Variants in LMCD1 observed in about 807,000 individuals in gnomAD.
The protein encoded by LMCD1 is LIM and cysteine rich domains 1, also known as LIM and cysteine-rich domains protein 1.
In LMCD1, 32 loss-of-function variants were observed where a neutral mutation model predicts 42.7. That is an observed-to-expected ratio of 0.75 (90% CI 0.57 to 1.01). The LOEUF (loss-of-function observed/expected upper bound fraction) is 1.01. LMCD1 is among the 50% of genes least tolerant of loss of function. The pLI, the probability that LMCD1 is intolerant of heterozygous loss-of-function variation, is 0.00. For missense variants in LMCD1, 458 were observed against 483.1 expected (o/e 0.95, Z 0.49); for synonymous variants, 178 against 184.9 (o/e 0.96, Z 0.30).
intron 1 of LMCD1, 98 bp from the exon 2 acceptor site, chr3:8,532,639 A>G: frequency 1.0e-6 from 1 of 977,926 alleles, no homozygotes; most frequent in Non-Finnish European, 1.6e-6. Flanking sequence ...TGAACCCCAC[A>G]CAGTCCCTTT....
At chr3:8,525,907 A>C (rs1321780328) in intron 1 of LMCD1, among the ~76,000 whole-genome samples, 2 of 152,222 alleles carry the variant, frequency 1.3e-5, no homozygotes, top group African/African-American at 4.8e-5. Flanking sequence ...TGGAAGCATT[A>C]AAAGATCCCC....
rs896325547 is a variant in LMCD1 at position 8,570,353 on chromosome 3, C to G, written c.*2755C>G. ...GGCTGGACAGGGAGATCATGAGATA[C>G]GTCATCTCTTCTCTGTTGAAACCCC... On this transcript the variant is annotated 3_prime_UTR_variant, in exon 6 of 6. Coordinates refer to ENST00000157600, the MANE Select transcript of LMCD1 (RefSeq NM_014583.4). 2.6e-5 allele frequency: 4 copies of G among 152,326 alleles called. No homozygotes were observed. Among genetic ancestry groups the G allele is most frequent in the African/African-American group, 9.7e-5 (4 of 41,406 alleles). The allele number at this position is 152,326 out of a possible 1,614,324, so 9.4% of individuals were successfully genotyped here.
intron 1 of LMCD1, among the ~76,000 whole-genome samples, chr3:8,525,912 A>T (rs1694291123): frequency 6.6e-6 from 1 of 152,216 alleles, no homozygotes. Flanking sequence ...GCATTAAAAG[A>T]TCCCCAGGAG....
intron 1 of LMCD1, among the ~76,000 whole-genome samples, chr3:8,525,161 G>T (rs1694276947): frequency 6.6e-6 from 1 of 152,132 alleles, no homozygotes; most frequent in African/African-American, 2.4e-5. Flanking sequence ...CTGCCTAATT[G>T]AAACTTTGTA....
In LMCD1 at chr3:8,548,881, A is replaced by G; in HGVS notation, c.701A>G (p.Asp234Gly). The G allele has an allele frequency of 6.4e-7, 1 of 1,550,520 alleles. No individual in the cohort carries two copies. Among genetic ancestry groups the G allele is most frequent in the Non-Finnish European group, 8.7e-7 (1 of 1,144,220 alleles). Residue 234 changes from aspartate to glycine, a missense_variant, in exon 4 of 6, where the codon GAC becomes GGC. By Grantham distance (94) the Asp-to-Gly change is moderately conservative (BLOSUM62 -1). Coordinates refer to ENST00000157600, the MANE Select transcript of LMCD1 (RefSeq NM_014583.4). Reference protein sequence around the residue: ...TAATTNGSLSDPSKEVEYVCE... With the variant: ...TAATTNGSLSGPSKEVEYVCE... The stretch of plus-strand genomic sequence containing the variant: ...GCTACCACCAACGGCAGTCTCAGTG[A>G]CCCGTCCAAAGAAGTGGAATACGTA...
At chr3:8,506,723 T>G (rs1038800844) in intron 1 of LMCD1, among the ~76,000 whole-genome samples, 2 of 152,208 alleles carry the variant, frequency 1.3e-5, no homozygotes, top group African/African-American at 2.4e-5. Context: ...ACCATTTAAA[T>G]CTTTATTTTA....
At chr3:8,534,425 T>C (rs1371040863) in intron 2 of LMCD1, among the ~76,000 whole-genome samples, 4 of 152,194 alleles carry the variant, frequency 2.6e-5, no homozygotes, top group Non-Finnish European at 5.9e-5. Flanking sequence ...GTACAAATGA[T>C]TTGAACATCA....
chr3:8,533,515 T>C (rs1694452050), intron 2 of LMCD1, among the ~76,000 whole-genome samples: 1 of 152,104 alleles, frequency 6.6e-6, no homozygotes, highest in Non-Finnish European at 1.5e-5. Context: ...TTAAGTTCTG[T>C]GGAGCACATA....
chr3:8,535,368 C>T (rs1389749125), intron 2 of LMCD1, among the ~76,000 whole-genome samples: 1 of 151,928 alleles, frequency 6.6e-6, no homozygotes, highest in Non-Finnish European at 1.5e-5. Context: ...CCTGCAGCAC[C>T]CTGAGGGTCA....
chr3:8,515,957 T>G (rs778322842), intron 1 of LMCD1, among the ~76,000 whole-genome samples: 14 of 152,120 alleles, frequency 9.2e-5, no homozygotes, highest in Admixed American at 2.6e-4. Context: ...AGGAGGAATC[T>G]TAAGATGAAA....
chr3:8,540,672 C>T (rs1057253735), intron 3 of LMCD1, among the ~76,000 whole-genome samples: 2 of 152,176 alleles, frequency 1.3e-5, no homozygotes, highest in Admixed American at 6.5e-5. Context: ...GAACAGGAAG[C>T]AGCTTGAGTG....
intron 4 of LMCD1, among the ~76,000 whole-genome samples, chr3:8,556,598 G>T (rs144492999): frequency 6.6e-6 from 1 of 152,154 alleles, no homozygotes; most frequent in South Asian, 2.1e-4. Flanking sequence ...TAATTAACAG[G>T]TGTTCCCATC....
intron 1 of LMCD1, among the ~76,000 whole-genome samples, chr3:8,505,187 T>G (rs917302649): frequency 6.6e-6 from 1 of 152,206 alleles, no homozygotes; most frequent in African/African-American, 2.4e-5. Context: ...GACACTTTTA[T>G]TTATAACTGC....
At chr3:8,553,649 C>T (rs979170163) in intron 4 of LMCD1, among the ~76,000 whole-genome samples, 11 of 152,146 alleles carry the variant, frequency 7.2e-5, no homozygotes, top group African/African-American at 2.2e-4. Flanking sequence ...CTTGGCACCT[C>T]GGTCCACTTC....
chr3:8,515,348 C>T (rs1266637106), intron 1 of LMCD1, among the ~76,000 whole-genome samples: 1 of 152,196 alleles, frequency 6.6e-6, no homozygotes, highest in Non-Finnish European at 1.5e-5. Flanking sequence ...TCCTCCTCCA[C>T]GGCCCCAAAT....
intron 4 of LMCD1, among the ~76,000 whole-genome samples, chr3:8,551,642 G>A (rs1191751002): frequency 6.6e-6 from 1 of 152,142 alleles, no homozygotes; most frequent in Non-Finnish European, 1.5e-5. Context: ...TTACCTCCTT[G>A]AAGCAGGGGA....
chr3:8,507,226 T>C (rs1439907795), intron 1 of LMCD1, among the ~76,000 whole-genome samples: 1 of 152,246 alleles, frequency 6.6e-6, no homozygotes, highest in Admixed American at 6.5e-5. Context: ...AGCATAGATC[T>C]GCAAAAGCTC....
At chr3:8,529,202 TG>T (rs1694357762) in intron 1 of LMCD1, among the ~76,000 whole-genome samples, 1 of 152,214 alleles carries the variant, frequency 6.6e-6, no homozygotes, top group Non-Finnish European at 1.5e-5. Flanking sequence ...TCGTTCTCTC[TG>T]TGTTGAAGAT....
Position 8,569,326 on chromosome 3 carries a change from A to G in LMCD1, c.*1728A>G, listed in dbSNP as rs753358560. 2.0e-4 allele frequency: 30 copies of G among 152,190 alleles called. No homozygotes were observed. Among genetic ancestry groups the G allele is most frequent in the Admixed American group, 6.5e-5 (1 of 15,278 alleles). 9.4% of individuals were successfully genotyped at this position (152,190 alleles called of 1,614,324 possible). A position where few individuals can be genotyped will look rare whatever the true frequency, so the allele number is the denominator to read the frequency against. ...GACCAACTCTGGCTGTTGAAATTCT[A>G]TTCATCCTATAAGGTGCTTCTCAAG... On this transcript the variant is annotated 3_prime_UTR_variant, in exon 6 of 6. Coordinates refer to ENST00000157600, the MANE Select transcript of LMCD1 (RefSeq NM_014583.4).
Sources: allele counts gnomAD v4.1 joint callset (sites outside exome capture counted in the v4.1 genomes callset), GRCh38; gene constraint gnomAD v4.1.1; transcripts MANE v1.5; gene names NCBI Gene and HGNC (gene_info 2026-07-23, HGNC 2026-07-21).